The following ITGB1 variants were observed in gnomAD, a reference collection of about 807,000 sequenced individuals.
The protein encoded by ITGB1 is integrin subunit beta 1.
In ITGB1, 24 loss-of-function variants were observed where a neutral mutation model predicts 86.5. The ratio of observed to expected loss-of-function variants is 0.28; its 90% CI spans 0.20 to 0.39. The LOEUF (loss-of-function observed/expected upper bound fraction) is 0.39, where lower values mean the gene tolerates loss of function less well. ITGB1 is among the 10% of genes least tolerant of loss of function. The probability of loss-of-function intolerance (pLI) is 1.00; values close to 1 mark genes in which losing one functional copy is unlikely to be tolerated. For missense variants in ITGB1, 556 were observed against 946.9 expected, an observed-to-expected ratio of 0.59 and a Z score of 5.42; for synonymous variants, 323 against 316.8, an observed-to-expected ratio of 1.02 and a Z score of -0.21.
At chr10:32,941,227 T>C (rs554683554) in intron 1 of ITGB1, among the ~76,000 whole-genome samples, 10 of 152,340 alleles carry the variant, frequency 6.6e-5, no homozygotes, top group African/African-American at 2.4e-4. Flanking sequence ...CCTAATCTTA[T>C]TTCTAAGCAT....
In ITGB1 at chr10:32,956,398, T is replaced by TA. The variant is rs200758059; in HGVS notation, c.-1+1746dup. On this transcript the variant is annotated intron_variant, in intron 1 of 15. Coordinates refer to ENST00000302278, the MANE Select transcript of ITGB1 (RefSeq NM_002211.4). Reference sequence around the variant, plus strand: ...ATTTTTGTAGCATTAAAACTACAATTAAAAAAAAAAAAATAAAAAAACCTA... The same window carrying TA: ...ATTTTTGTAGCATTAAAACTACAATTAAAAAAAAAAAAAATAAAAAAACCTA... Among the ~76,000 whole-genome samples, 155 of 141,932 alleles carry TA rather than the reference T, an allele frequency of 1.1e-3. 1 individual carries two copies. Among genetic ancestry groups the TA allele is most frequent in the African/African-American group, 2.1e-3 (78 of 37,770 alleles). 93.1% of individuals were successfully genotyped at this position (141,932 alleles called of 152,430 possible). A position where few individuals can be genotyped will look rare whatever the true frequency, so the allele number is the denominator to read the frequency against.
At chr10:32,943,495 G>T (rs1404064714) in intron 1 of ITGB1, among the ~76,000 whole-genome samples, 2 of 151,846 alleles carry the variant, frequency 1.3e-5, no homozygotes, top group Non-Finnish European at 2.9e-5. Context: ...GGGGTGGGGG[G>T]CAAAGAAGGT....
chr10:32,906,260 C>T (rs755389827), intron 15 of ITGB1, among the ~76,000 whole-genome samples: 7 of 151,944 alleles, frequency 4.6e-5, no homozygotes, highest in Non-Finnish European at 5.9e-5. Context: ...TTTCACTATC[C>T]AACCCTAAAA....
chr10:32,947,134 T>C (rs2095033142), intron 1 of ITGB1, among the ~76,000 whole-genome samples: 1 of 152,112 alleles, frequency 6.6e-6, no homozygotes, highest in African/African-American at 2.4e-5. Context: ...TGAGGCACCA[T>C]ACCTGGCCTA....
rs749347428 is a variant in ITGB1 at position 32,928,158 on chromosome 10, A to G, written c.483T>C (p.Asn161=). ...LSYSMKDDLE[N]VKSLGTDLMN... ...TCAGATCTGTTCCAAGACTTTTTAC[A>G]TTCTCCAAATCGTCTTTCATTGAGT... The change falls in exon 5 of 16, where the codon AAT becomes AAC. Residue 161 remains asparagine, a synonymous_variant. Coordinates refer to ENST00000302278, the MANE Select transcript of ITGB1 (RefSeq NM_002211.4). The G allele has an allele frequency of 6.4e-7, 1 of 1,570,442 alleles. No individual in the cohort carries two copies. The highest frequency in any genetic ancestry group is 1.7e-5 in the Admixed American group (1 of 59,948).
In ITGB1 at chr10:32,928,084, A is replaced by G; in HGVS notation, c.547+10T>C. ...ATAATGAAAATGGTCAATGTTCCCA[A>G]CATTCCTACCAATTCTGAAGTCCGA... On this transcript the variant is annotated intron_variant, in intron 5 of 15. Coordinates refer to ENST00000302278, the MANE Select transcript of ITGB1 (RefSeq NM_002211.4). 6.6e-7 allele frequency: 1 copy of G among 1,519,898 alleles called. No homozygotes were observed. Among genetic ancestry groups the G allele is most frequent in the Non-Finnish European group, 9.0e-7 (1 of 1,109,954 alleles). 94.2% of individuals were successfully genotyped at this position (1,519,898 alleles called of 1,614,324 possible). A position where few individuals can be genotyped will look rare whatever the true frequency, so the allele number is the denominator to read the frequency against.
intron 4 of ITGB1, among the ~76,000 whole-genome samples, chr10:32,928,690 G>T (rs1005352485): frequency 1.3e-5 from 2 of 151,836 alleles, no homozygotes; most frequent in African/African-American, 4.8e-5. Flanking sequence ...AACATGATCC[G>T]ATCTTTACTT....
chr10:32,943,075 CT>C (rs2095022782), intron 1 of ITGB1, among the ~76,000 whole-genome samples: 1 of 152,094 alleles, frequency 6.6e-6, no homozygotes, highest in Non-Finnish European at 1.5e-5. Context: ...TGACATTTTT[CT>C]CTGACATTAC....
chr10:32,919,890 C>A lies in ITGB1; in HGVS notation c.1464G>T (p.Ala488=). The change falls in exon 11 of 16, where the codon GCG becomes GCT. Residue 488 remains alanine, a synonymous_variant. Coordinates refer to ENST00000302278, the MANE Select transcript of ITGB1 (RefSeq NM_002211.4). ...TCTGACAACACCCAGCTTACCTGCACGCGCCACACTCAAATGTCCCATTTC... is the reference window on the plus strand; with the variant it reads ...TCTGACAACACCCAGCTTACCTGCAAGCGCCACACTCAAATGTCCCATTTC... ...HEGNGTFECG[A]CRCNEGRVGR... is the part of the protein sequence containing the mutation. The A allele has an allele frequency of 6.2e-7, 1 of 1,613,996 alleles. No homozygotes were observed. The highest frequency in any genetic ancestry group is 1.1e-5 in the South Asian group (1 of 91,078).
At chr10:32,941,784 T>C (rs576129352) in intron 1 of ITGB1, among the ~76,000 whole-genome samples, 1 of 152,266 alleles carries the variant, frequency 6.6e-6, no homozygotes, top group African/African-American at 2.4e-5. Context: ...AGAAGGTAGC[T>C]ATGAGGGATC....
chr10:32,923,067 G>A (rs2094954915), intron 7 of ITGB1, among the ~76,000 whole-genome samples: 1 of 152,028 alleles, frequency 6.6e-6, no homozygotes, highest in Non-Finnish European at 1.5e-5. Flanking sequence ...GTTTATCTAT[G>A]TATATTAAAT....
rs749687157 is a variant in ITGB1, at chr10:32,922,396, C to T, written c.1039-50G>A. 3 of 1,263,572 alleles carry T rather than the reference C, an allele frequency of 2.4e-6. No individual in the cohort carries two copies. In the African/African-American group the frequency reaches 4.5e-5, roughly 19 times the overall value. 78.3% of individuals were successfully genotyped at this position (1,263,572 alleles called of 1,614,324 possible). A position where few individuals can be genotyped will look rare whatever the true frequency, so the allele number is the denominator to read the frequency against. On this transcript the variant is annotated intron_variant, in intron 8 of 15. Coordinates refer to ENST00000302278, the MANE Select transcript of ITGB1 (RefSeq NM_002211.4). ...AAAATACAACTGCTATTCATTCAAC[C>T]AATTAGGATCCACTGAGCAACTTTT...
At chr10:32,955,856 G>A (rs1284144984) in intron 1 of ITGB1, among the ~76,000 whole-genome samples, 1 of 152,194 alleles carries the variant, frequency 6.6e-6, no homozygotes, top group African/African-American at 2.4e-5. Flanking sequence ...CTTCTCATGT[G>A]CAGAATGTTG....
chr10:32,935,531 C>T lies in ITGB1; in HGVS notation c.28G>A (p.Gly10Arg). ...ACACAGCAAACTGAACTGATCAGTC[C>T]AATCCAGAAAATTGGTTGTAAATTC... MNLQPIFWIGLISSVCCVFA... is the reference protein window; with the variant it reads MNLQPIFWIRLISSVCCVFA... The change falls in exon 2 of 16, where the codon GGA becomes AGA. Residue 10 changes from glycine to arginine, a missense_variant. Gly to Arg is a moderately radical substitution (Grantham distance 125, BLOSUM62 -2). This residue lies in a region of ITGB1 where 183 missense variants were observed against 263.9 expected (regional missense o/e 0.69). Transcript: ENST00000302278. 1 of 1,613,064 alleles carries T rather than the reference C, an allele frequency of 6.2e-7. No homozygotes were observed. Among genetic ancestry groups the T allele is most frequent in the Non-Finnish European group, 8.5e-7 (1 of 1,179,272 alleles).
At chr10:32,932,396 A>T (rs1272459191) in intron 3 of ITGB1, 119 bp downstream of exon 3, 5 of 664,928 alleles carry the variant, frequency 7.5e-6, no homozygotes, top group Non-Finnish European at 1.4e-5. Context: ...GCTCCAAACC[A>T]TTAGGTTATT....
At chr10:32,954,407 C>A (rs1022793992) in intron 1 of ITGB1, among the ~76,000 whole-genome samples, 2 of 151,976 alleles carry the variant, frequency 1.3e-5, no homozygotes, top group Admixed American at 6.6e-5. Flanking sequence ...TTCTTGAACC[C>A]CACTCAAATC....
intron 15 of ITGB1, among the ~76,000 whole-genome samples, chr10:32,902,818 T>C (rs964365182): frequency 2.6e-5 from 4 of 152,202 alleles, no homozygotes; most frequent in Non-Finnish European, 4.4e-5. Context: ...AAGGAAGGTA[T>C]AGTTTGGTGG....
At chr10:32,934,546 AC>A (rs1314929711) in intron 2 of ITGB1, among the ~76,000 whole-genome samples, 3 of 152,192 alleles carry the variant, frequency 2.0e-5, no homozygotes, top group African/African-American at 7.2e-5. Flanking sequence ...GTGTACAAAT[AC>A]CATTTTACCA....
intron 1 of ITGB1, among the ~76,000 whole-genome samples, chr10:32,948,200 T>C (rs1425855302): frequency 1.3e-5 from 2 of 152,200 alleles, no homozygotes; most frequent in South Asian, 2.1e-4. Flanking sequence ...ATACTCTTTA[T>C]AGATTCCACA....
Sources: allele counts gnomAD v4.1 joint callset (sites outside exome capture counted in the v4.1 genomes callset), GRCh38; gene constraint gnomAD v4.1.1; regional missense constraint gnomAD v4.1.1; transcripts MANE v1.5; gene names NCBI Gene and HGNC (gene_info 2026-07-23, HGNC 2026-07-21).